The following ARHGEF12 variants were observed in gnomAD, a reference collection of about 807,000 sequenced individuals.
The protein encoded by ARHGEF12 is KMT2A/ARHGEF12 fusion protein.
A neutral mutation model predicts 211.2 loss-of-function variants in ARHGEF12; 66 were observed. The ratio of observed to expected loss-of-function variants is 0.31; its 90% CI spans 0.26 to 0.38. The LOEUF (loss-of-function observed/expected upper bound fraction) is 0.38, where lower values mean the gene tolerates loss of function less well. ARHGEF12 is among the 10% of genes least tolerant of loss of function. ARHGEF12 has a pLI of 1.00. For missense variants in ARHGEF12, 1,429 were observed against 1,869.5 expected (o/e 0.76, Z 4.34); for synonymous variants, 592 against 638.4 (o/e 0.93, Z 1.09).
chr11:120,467,061 A>G, intron 28 of ARHGEF12, 133 bp from the exon 29 acceptor site: 1 of 589,944 alleles, frequency 1.7e-6, no homozygotes, highest in Non-Finnish European at 3.0e-6. Context: ...TGGCAATGAT[A>G]TATCTTGGCA....
At chr11:120,391,623 G>A (rs1944219946) in intron 1 of ARHGEF12, among the ~76,000 whole-genome samples, 1 of 152,238 alleles carries the variant, frequency 6.6e-6, no homozygotes, top group African/African-American at 2.4e-5. Flanking sequence ...TGCCTGGGCA[G>A]AGACTAATGG....
intron 4 of ARHGEF12, among the ~76,000 whole-genome samples, chr11:120,412,748 A>G (rs1944923679): frequency 6.6e-6 from 1 of 152,170 alleles, no homozygotes. Context: ...ACAGCTGGAA[A>G]TCAGTCTTCC....
intron 1 of ARHGEF12, among the ~76,000 whole-genome samples, chr11:120,405,153 A>C (rs1944661106): frequency 6.6e-6 from 1 of 152,190 alleles, no homozygotes. Flanking sequence ...TAGTCATTGA[A>C]GTATCATTGT....
intron 1 of ARHGEF12, among the ~76,000 whole-genome samples, chr11:120,389,806 A>G (rs1371441824): frequency 6.6e-6 from 1 of 152,226 alleles, no homozygotes; most frequent in Non-Finnish European, 1.5e-5. Flanking sequence ...GGCTTATTTC[A>G]CTTACCATAA....
At chr11:120,363,514 A>G (rs1201606796) in intron 1 of ARHGEF12, among the ~76,000 whole-genome samples, 1 of 152,184 alleles carries the variant, frequency 6.6e-6, no homozygotes, top group African/African-American at 2.4e-5. Flanking sequence ...TTTTCTATTT[A>G]TAATAGTGAG....
intron 22 of ARHGEF12, among the ~76,000 whole-genome samples, chr11:120,455,131 G>A (rs1161200324): frequency 6.6e-6 from 1 of 152,100 alleles, no homozygotes; most frequent in African/African-American, 2.4e-5. Context: ...ATTATATAGG[G>A]AACCACTACA....
chr11:120,429,839 CACTATT>C lies in ARHGEF12; in HGVS notation c.783+11_783+16del. 9 of 1,608,168 alleles carry C rather than the reference CACTATT, an allele frequency of 5.6e-6. No homozygotes were observed. Among genetic ancestry groups the C allele is most frequent in the Non-Finnish European group, 7.6e-6 (9 of 1,178,338 alleles). The stretch of plus-strand genomic sequence containing the variant: ...GCCACAGGCTCTGCTCAGGTAGCAT[CACTATT>C]ACAAGTGCTACCCAACTTTTTGCAG... On this transcript the variant is annotated intron_variant, in intron 10 of 40. Transcript: ENST00000397843.
At chr11:120,432,462 A>G (rs992038880) in intron 11 of ARHGEF12, among the ~76,000 whole-genome samples, 15 of 152,250 alleles carry the variant, frequency 9.9e-5, no homozygotes, top group African/African-American at 3.1e-4. Flanking sequence ...ATGTAACACC[A>G]TAGACATATG....
intron 11 of ARHGEF12, among the ~76,000 whole-genome samples, chr11:120,435,170 T>C (rs553876881): frequency 4.6e-5 from 7 of 152,260 alleles, no homozygotes; most frequent in Non-Finnish European, 7.4e-5. Context: ...CTTTATAATT[T>C]ATAATAGTTT....
intron 4 of ARHGEF12, among the ~76,000 whole-genome samples, chr11:120,415,794 G>A (rs1447590589): frequency 6.6e-6 from 1 of 152,150 alleles, no homozygotes; most frequent in Non-Finnish European, 1.5e-5. Context: ...GAATAGTATT[G>A]TTAATTTGAA....
At chr11:120,338,054 C>T (rs1303956168) in intron 1 of ARHGEF12, among the ~76,000 whole-genome samples, 1 of 152,158 alleles carries the variant, frequency 6.6e-6, no homozygotes, top group Non-Finnish European at 1.5e-5. Flanking sequence ...TTGAGCTAGA[C>T]CATGTGTGGT....
intron 37 of ARHGEF12, 151 bp downstream of exon 37, chr11:120,478,540 A>G: frequency 1.4e-6 from 1 of 710,096 alleles, no homozygotes; most frequent in Non-Finnish European, 2.3e-6. Flanking sequence ...TGCCACAGGC[A>G]CACACACACA....
rs71050743 is a variant in ARHGEF12, at chr11:120,399,321, CAAAAAA to C, written c.33-6772_33-6767del. Among the ~76,000 whole-genome samples, 564 of 36,402 alleles carry C rather than the reference CAAAAAA, an allele frequency of 0.015. 4 individuals carry two copies. In the South Asian group the frequency reaches 0.23, roughly 15 times the overall value. The allele number at this position is 36,402 out of a possible 152,430, so 23.9% of individuals were successfully genotyped here. On this transcript the variant is annotated intron_variant, in intron 1 of 40. Transcript: ENST00000397843. ...GAGTGAGAGAGTGAGACATTGTCTC[CAAAAAA>C]AAAAAAAAAAAAAAAAAAAAAAAAG...
intron 6 of ARHGEF12, among the ~76,000 whole-genome samples, chr11:120,422,853 C>A (rs923853195): frequency 5.9e-5 from 9 of 152,034 alleles, no homozygotes; most frequent in African/African-American, 2.2e-4. Flanking sequence ...TGGAACACAA[C>A]AGAGAGACTA....
chr11:120,464,178 G>A (rs1041579842), intron 27 of ARHGEF12: 4 of 152,182 alleles, frequency 2.6e-5, no homozygotes, highest in Admixed American at 2.6e-4. Context: ...GCCTGCCCAT[G>A]GTCATAGTGG....
At chr11:120,471,804 C>A (rs574468422) in intron 30 of ARHGEF12, among the ~76,000 whole-genome samples, 2 of 152,058 alleles carry the variant, frequency 1.3e-5, no homozygotes, top group Non-Finnish European at 2.9e-5. Flanking sequence ...TATAGGTGTT[C>A]ACTATGCTCA....
In ARHGEF12 at chr11:120,467,196, T is replaced by A; in HGVS notation, c.2742T>A (p.Asp914Glu). 6.3e-7 allele frequency: 1 copy of A among 1,595,502 alleles called. No individual in the cohort carries two copies. Residue 914 changes from aspartate to glutamate, a missense_variant and splice_region_variant, in exon 29 of 41, where the codon GAT (aspartate) becomes GAA (glutamate). This residue lies in a region of ARHGEF12 where 223 missense variants were observed against 444.6 expected (regional missense o/e 0.50). Coordinates refer to ENST00000397843, the MANE Select transcript of ARHGEF12 (RefSeq NM_015313.3). ...CACTTATTTCACTTTAATTTTAGGA[T>A]GCTGAAAGTAATCCACTGTGTCGTC... ...KDSRFQTFVQDAESNPLCRRL... is the reference protein window; with the variant it reads ...KDSRFQTFVQEAESNPLCRRL...
chr11:120,364,049 TC>T (rs1344441012), intron 1 of ARHGEF12, among the ~76,000 whole-genome samples: 1 of 152,114 alleles, frequency 6.6e-6, no homozygotes. Flanking sequence ...GCTTAAGTGA[TC>T]CTCCCATTTC....
At chr11:120,373,494 A>G (rs1943643579) in intron 1 of ARHGEF12, among the ~76,000 whole-genome samples, 1 of 152,238 alleles carries the variant, frequency 6.6e-6, no homozygotes, top group Admixed American at 6.5e-5. Flanking sequence ...CACCTAGAAC[A>G]GTGCCTGCAC....
Sources: gnomAD v4.1 joint callset for allele counts (sites outside exome capture counted in the v4.1 genomes callset) on GRCh38, gnomAD v4.1.1 for gene constraint, gnomAD v4.1.1 regional missense constraint, MANE v1.5 for transcripts, NCBI Gene and HGNC (gene_info 2026-07-23, HGNC 2026-07-21) for gene names.